AGMO: variants seen among roughly 807,000 people sequenced by gnomAD.
The protein encoded by AGMO is alkylglycerol monooxygenase.
In AGMO, 75 loss-of-function variants were observed where a neutral mutation model predicts 60.2. The observed-to-expected ratio is 1.25, with a 90% CI of 1.03 to 1.51. The LOEUF (loss-of-function observed/expected upper bound fraction) is 1.51, where lower values mean the gene tolerates loss of function less well. Among genes scored for constraint, AGMO ranks in the 40% most tolerant of loss-of-function variants. The pLI, the probability that AGMO is intolerant of heterozygous loss-of-function variation, is 0.00. For synonymous variants in AGMO, 261 were observed against 177.1 expected, an observed-to-expected ratio of 1.47 and a Z score of -3.76; for missense variants, 763 against 525.5, an observed-to-expected ratio of 1.45 and a Z score of -4.42.
At chr7:15,519,700 G>C (rs1440269426) in intron 3 of AGMO, among the ~76,000 whole-genome samples, 1 of 152,082 alleles carries the variant, frequency 6.6e-6, no homozygotes, top group Non-Finnish European at 1.5e-5. Context: ...CACTGCAAAA[G>C]CATACCAAAA....
At chr7:15,488,653 T>C (rs1222329744) in intron 3 of AGMO, among the ~76,000 whole-genome samples, 4 of 152,164 alleles carry the variant, frequency 2.6e-5, no homozygotes, top group Admixed American at 6.6e-5. Flanking sequence ...AAGTACTTAA[T>C]AGTGCTGAAC....
intron 3 of AGMO, among the ~76,000 whole-genome samples, chr7:15,485,035 G>A (rs1782873799): frequency 6.9e-6 from 1 of 144,316 alleles, no homozygotes; most frequent in African/African-American, 2.6e-5. Context: ...AGGGTAATAA[G>A]AAAAATATGT....
At chr7:15,307,360 C>G (rs1423822137) in intron 12 of AGMO, among the ~76,000 whole-genome samples, 1 of 151,966 alleles carries the variant, frequency 6.6e-6, no homozygotes, top group East Asian at 1.9e-4. Context: ...TTTACCATTA[C>G]TTATAAATAT....
chr7:15,534,049 G>C (rs980965247), intron 3 of AGMO, among the ~76,000 whole-genome samples: 1 of 151,874 alleles, frequency 6.6e-6, no homozygotes, highest in Admixed American at 6.6e-5. Context: ...TTACATTTTA[G>C]AAGCTATTTT....
intron 10 of AGMO, among the ~76,000 whole-genome samples, chr7:15,379,553 G>A (rs974860903): frequency 4.6e-5 from 7 of 151,978 alleles, no homozygotes; most frequent in African/African-American, 1.7e-4. Flanking sequence ...ACTGAACCAG[G>A]AAGATATTAA....
intron 12 of AGMO, among the ~76,000 whole-genome samples, chr7:15,286,520 G>A (rs1784104688): frequency 6.6e-6 from 1 of 152,020 alleles, no homozygotes. Context: ...AAACCACAAT[G>A]AGATACCATC....
the AGMO span, among the ~76,000 whole-genome samples, chr7:15,156,305 G>A: frequency 6.6e-6 from 1 of 152,192 alleles, no homozygotes. Flanking sequence ...CTGGCAAGCT[G>A]AGGCTGTGCA....
chr7:15,520,422 T>C (rs1309495466), intron 3 of AGMO, among the ~76,000 whole-genome samples: 3 of 152,170 alleles, frequency 2.0e-5, no homozygotes, highest in Non-Finnish European at 4.4e-5. Flanking sequence ...ATAGCACTTA[T>C]TCTAAAATTG....
At chr7:15,344,832 T>C (rs1224865407) in intron 12 of AGMO, among the ~76,000 whole-genome samples, 1 of 147,600 alleles carries the variant, frequency 6.8e-6, no homozygotes, top group East Asian at 1.9e-4. Context: ...ATCCCTAAAC[T>C]TAAATAAAAC....
Position 15,335,534 on chromosome 7 carries a change from C to A in AGMO, c.1263+29980G>T, listed in dbSNP as rs80189175. Reference sequence around the variant, plus strand: ...TTCCACCGGAAAATATTTAGTCACTCGCTTACTTGGATAGAAATCCGTCAC... The same window carrying A: ...TTCCACCGGAAAATATTTAGTCACTAGCTTACTTGGATAGAAATCCGTCAC... On this transcript the variant is annotated intron_variant, in intron 12 of 12. Transcript: ENST00000342526. Among the ~76,000 whole-genome samples, 1,224 of 152,156 alleles carry A rather than the reference C, an allele frequency of 8.0e-3. 11 individuals are homozygous for A. The highest frequency in any genetic ancestry group is 0.023 in the African/African-American group (964 of 41,538).
intron 12 of AGMO, among the ~76,000 whole-genome samples, chr7:15,215,044 A>G (rs1781696368): frequency 6.6e-6 from 1 of 152,102 alleles, no homozygotes; most frequent in African/African-American, 2.4e-5. Context: ...TTCTGTCACA[A>G]CACATGTAAT....
At chr7:15,428,052 T>C (rs1781120667) in intron 4 of AGMO, among the ~76,000 whole-genome samples, 1 of 58,336 alleles carries the variant, frequency 1.7e-5, no homozygotes. Context: ...AATTTTCTTT[T>C]CAAAGATGCG....
chr7:15,529,430 T>A (rs1198663342), intron 3 of AGMO, among the ~76,000 whole-genome samples: 2 of 147,724 alleles, frequency 1.4e-5, no homozygotes, highest in African/African-American at 5.0e-5. Flanking sequence ...CTGGGTAGTT[T>A]AAAACAACAT....
intron 12 of AGMO, among the ~76,000 whole-genome samples, chr7:15,231,110 G>C (rs1383431790): frequency 6.6e-6 from 1 of 152,138 alleles, no homozygotes; most frequent in Admixed American, 6.6e-5. Context: ...AGCTTCATCA[G>C]AAGAGTTTTC....
chr7:15,510,488 G>GT (rs1337139770), intron 3 of AGMO, among the ~76,000 whole-genome samples: 1 of 151,478 alleles, frequency 6.6e-6, no homozygotes, highest in East Asian at 1.9e-4. Flanking sequence ...CTAAGCATCT[G>GT]TTTATGGGTA....
At chr7:15,146,388 A>C in the AGMO span, among the ~76,000 whole-genome samples, 2 of 152,216 alleles carry the variant, frequency 1.3e-5, no homozygotes, top group African/African-American at 4.8e-5. Flanking sequence ...CCAAAGAAAG[A>C]AAAATGTGAT....
At chr7:15,454,656 TCAAA>T (rs1418193882) in intron 3 of AGMO, among the ~76,000 whole-genome samples, 10 of 152,126 alleles carry the variant, frequency 6.6e-5, no homozygotes, top group Admixed American at 1.3e-4. Flanking sequence ...TCTATTATCC[TCAAA>T]CATTTTCAAC....
chr7:15,357,949 A>G (rs1311663475), intron 12 of AGMO, among the ~76,000 whole-genome samples: 1 of 152,224 alleles, frequency 6.6e-6, no homozygotes, highest in African/African-American at 2.4e-5. Context: ...ACATATATAC[A>G]TACCAAAGAA....
At chr7:15,261,643 T>G (rs1783274939) in intron 12 of AGMO, among the ~76,000 whole-genome samples, 1 of 151,876 alleles carries the variant, frequency 6.6e-6, no homozygotes, top group African/African-American at 2.4e-5. Context: ...CCTCCTTAAA[T>G]CATTCCATGA....
Sources: allele counts gnomAD v4.1 joint callset (sites outside exome capture counted in the v4.1 genomes callset), GRCh38; gene constraint gnomAD v4.1.1; transcripts MANE v1.5; gene names NCBI Gene and HGNC (gene_info 2026-07-23, HGNC 2026-07-21).